KCNIP1: variants seen among roughly 807,000 people sequenced by gnomAD.
The protein encoded by KCNIP1 is potassium voltage-gated channel interacting protein 1.
A neutral mutation model predicts 33.0 loss-of-function variants in KCNIP1; 18 were observed. The observed-to-expected ratio is 0.55, with a 90% CI of 0.38 to 0.81. The LOEUF (loss-of-function observed/expected upper bound fraction) is 0.81, where lower values mean the gene tolerates loss of function less well. KCNIP1 is among the 30% of genes least tolerant of loss of function. The probability of loss-of-function intolerance (pLI) is 0.00; values close to 1 mark genes in which losing one functional copy is unlikely to be tolerated. For synonymous variants in KCNIP1, 93 were observed against 98.3 expected, an observed-to-expected ratio of 0.95 and a Z score of 0.32; for missense variants, 238 against 271.6, an observed-to-expected ratio of 0.88 and a Z score of 0.87.
At chr5:170,687,383 T>C (rs867729809) in intron 1 of KCNIP1, among the ~76,000 whole-genome samples, 47 of 152,152 alleles carry the variant, frequency 3.1e-4, no homozygotes, top group African/African-American at 1.1e-3. Context: ...GGTTTCATCA[T>C]ACTGGCCAGG....
At chr5:170,353,943 A>G (rs1458059762) in exon 1 of KCNIP1, 4 of 1,614,174 alleles carry the variant, frequency 2.5e-6, no homozygotes, top group Non-Finnish European at 3.4e-6. Context: ...CTTTAAGCTC[A>G]TCACTGGGAC....
intron 1 of KCNIP1, among the ~76,000 whole-genome samples, chr5:170,358,205 C>A (rs1282769378): frequency 6.6e-6 from 1 of 152,168 alleles, no homozygotes; most frequent in Non-Finnish European, 1.5e-5. Flanking sequence ...CCAAAGTGAG[C>A]AGAAGGGAGG....
chr5:170,532,757 C>A (rs977369006), intron 1 of KCNIP1, among the ~76,000 whole-genome samples: 1 of 152,176 alleles, frequency 6.6e-6, no homozygotes, highest in Non-Finnish European at 1.5e-5. Context: ...GCCCTGGACA[C>A]TCAGCTGGAG....
intron 1 of KCNIP1, among the ~76,000 whole-genome samples, chr5:170,634,146 C>A (rs1760193128): frequency 6.6e-6 from 1 of 152,106 alleles, no homozygotes; most frequent in Non-Finnish European, 1.5e-5. Context: ...TTGGTCTGAG[C>A]AGATAACCAG....
At chr5:170,570,608 A>G (rs114320740) in intron 1 of KCNIP1, among the ~76,000 whole-genome samples, 2,296 of 152,354 alleles carry the variant, frequency 0.015, 60 homozygotes, top group African/African-American at 0.053. Context: ...TAATCACAGC[A>G]TTCCTCAGCC....
chr5:170,690,051 G>C (rs996612245), intron 1 of KCNIP1, among the ~76,000 whole-genome samples: 3 of 152,200 alleles, frequency 2.0e-5, no homozygotes, highest in Non-Finnish European at 4.4e-5. Flanking sequence ...CACAAAGACA[G>C]TGGTTATGTC....
chr5:170,434,370 G>A (rs1174871139), intron 1 of KCNIP1, among the ~76,000 whole-genome samples: 2 of 152,190 alleles, frequency 1.3e-5, no homozygotes, highest in Non-Finnish European at 2.9e-5. Context: ...TTAATGTCAA[G>A]TATTGTTAAT....
chr5:170,724,200 G>A (rs1383388978), intron 5 of KCNIP1, among the ~76,000 whole-genome samples: 2 of 152,126 alleles, frequency 1.3e-5, no homozygotes, highest in African/African-American at 4.8e-5. Context: ...ATGGTGGACT[G>A]GTGAATTCTA....
chr5:170,391,606 A>T (rs1754595263), intron 1 of KCNIP1, among the ~76,000 whole-genome samples: 1 of 152,348 alleles, frequency 6.6e-6, no homozygotes, highest in East Asian at 1.9e-4. Flanking sequence ...AGATCACAAA[A>T]TATCTTCTCT....
chr5:170,450,609 C>A (rs990631222), intron 1 of KCNIP1, among the ~76,000 whole-genome samples: 3 of 152,132 alleles, frequency 2.0e-5, no homozygotes, highest in Non-Finnish European at 4.4e-5. Context: ...CCACCCACAC[C>A]CCTCATTCCT....
chr5:170,390,977 A>G (rs2113363536), intron 1 of KCNIP1, among the ~76,000 whole-genome samples: 1 of 152,228 alleles, frequency 6.6e-6, no homozygotes, highest in South Asian at 2.1e-4. Context: ...TCAGGCGGTG[A>G]GTGCCCTTCT....
At chr5:170,446,112 C>G (rs1386320142) in intron 1 of KCNIP1, among the ~76,000 whole-genome samples, 1 of 152,180 alleles carries the variant, frequency 6.6e-6, no homozygotes, top group African/African-American at 2.4e-5. Flanking sequence ...CTGGCCGATA[C>G]AGTCGCCCAG....
At chr5:170,406,281 C>G (rs1017029270) in intron 1 of KCNIP1, among the ~76,000 whole-genome samples, 2 of 152,164 alleles carry the variant, frequency 1.3e-5, no homozygotes, top group Middle Eastern at 3.2e-3. Flanking sequence ...TAAAAGAGGA[C>G]TGGCCCTTTG....
chr5:170,371,773 A>G (rs1763852196), intron 1 of KCNIP1, among the ~76,000 whole-genome samples: 1 of 152,246 alleles, frequency 6.6e-6, no homozygotes, highest in African/African-American at 2.4e-5. Context: ...ATATATGCCC[A>G]AATGAAAGTG....
At chr5:170,425,539 T>C (rs1043211706) in intron 1 of KCNIP1, among the ~76,000 whole-genome samples, 2 of 152,288 alleles carry the variant, frequency 1.3e-5, no homozygotes, top group Admixed American at 1.3e-4. Context: ...CTTGGATCCA[T>C]GCCCCCAACT....
intron 1 of KCNIP1, among the ~76,000 whole-genome samples, chr5:170,403,047 C>T (rs776900523): frequency 9.2e-5 from 14 of 152,118 alleles, no homozygotes; most frequent in Non-Finnish European, 1.5e-4. Flanking sequence ...TATATGCGTG[C>T]CAGGAACATG....
chr5:170,486,003 G>C (rs997853541), intron 1 of KCNIP1: 1 of 152,336 alleles, frequency 6.6e-6, no homozygotes, highest in African/African-American at 2.4e-5. Flanking sequence ...GTCCCAAACA[G>C]ATGAGGACAT....
At chr5:170,367,881 C>T (rs926882855) in intron 1 of KCNIP1, among the ~76,000 whole-genome samples, 3 of 152,212 alleles carry the variant, frequency 2.0e-5, no homozygotes, top group Admixed American at 2.0e-4. Flanking sequence ...CTAAGCAAAT[C>T]ATCACAGCTG....
At chr5:170,485,496 C>T (rs1334707485) in intron 1 of KCNIP1, among the ~76,000 whole-genome samples, 1 of 152,216 alleles carries the variant, frequency 6.6e-6, no homozygotes, top group Non-Finnish European at 1.5e-5. Flanking sequence ...TAGACTCACA[C>T]ACAGACACAT....
Sources: allele counts gnomAD v4.1 joint callset (sites outside exome capture counted in the v4.1 genomes callset), GRCh38; gene constraint gnomAD v4.1.1; transcripts MANE v1.5; gene names NCBI Gene and HGNC (gene_info 2026-07-23, HGNC 2026-07-21).